The following TAFA1 variants were observed in gnomAD, a reference collection of about 807,000 sequenced individuals.
TAFA1 encodes chemokine-like protein TAFA-1.
Under a neutral mutation model 18.5 loss-of-function variants are expected in TAFA1, and 4 were observed. That is an observed-to-expected ratio of 0.22 (90% CI 0.11 to 0.49). The LOEUF (loss-of-function observed/expected upper bound fraction) is 0.49, where lower values mean the gene tolerates loss of function less well. Among genes scored for constraint, TAFA1 ranks in the 20% least tolerant of loss-of-function variants. TAFA1 has a pLI of 0.98. For missense variants in TAFA1, 147 were observed against 169.0 expected, an observed-to-expected ratio of 0.87 and a Z score of 0.72; for synonymous variants, 56 against 55.2, an observed-to-expected ratio of 1.01 and a Z score of -0.06.
chr3:68,100,585 C>G (rs958676586), intron 2 of TAFA1, among the ~76,000 whole-genome samples: 2 of 152,316 alleles, frequency 1.3e-5, no homozygotes, highest in Non-Finnish European at 2.9e-5. Flanking sequence ...AGACTCCACT[C>G]AGCTCAATTC....
intron 2 of TAFA1, among the ~76,000 whole-genome samples, chr3:68,231,453 C>A (rs1030176690): frequency 6.8e-6 from 1 of 147,714 alleles, no homozygotes; most frequent in Non-Finnish European, 1.5e-5. Flanking sequence ...CTCCGCTTCC[C>A]GGGTTCACGC....
chr3:68,193,301 A>C (rs555223583), intron 2 of TAFA1, among the ~76,000 whole-genome samples: 1 of 151,812 alleles, frequency 6.6e-6, no homozygotes, highest in Non-Finnish European at 1.5e-5. Context: ...ATTTTGTAAT[A>C]AAAAGGTATT....
At chr3:68,310,471 G>A (rs114183314) in intron 2 of TAFA1, among the ~76,000 whole-genome samples, 2,518 of 152,192 alleles carry the variant, frequency 0.017, 36 homozygotes, top group Middle Eastern at 0.044. Context: ...TCATGTTCCT[G>A]ATGTTCCCCC....
chr3:68,324,857 A>C (rs1348072726), intron 2 of TAFA1, among the ~76,000 whole-genome samples: 1 of 152,196 alleles, frequency 6.6e-6, no homozygotes, highest in Non-Finnish European at 1.5e-5. Context: ...CTTTTTAGGC[A>C]GGAAAGGGAT....
intron 2 of TAFA1, among the ~76,000 whole-genome samples, chr3:68,082,020 C>T (rs921544581): frequency 5.3e-5 from 8 of 152,206 alleles, no homozygotes; most frequent in Admixed American, 2.0e-4. Context: ...TCGTGGTGCG[C>T]TGTTTTTTAA....
intron 3 of TAFA1, among the ~76,000 whole-genome samples, chr3:68,461,850 C>T (rs554959695): frequency 1.1e-4 from 17 of 152,074 alleles, no homozygotes; most frequent in East Asian, 5.9e-4. Flanking sequence ...GTAGCACTTT[C>T]GGCTGTTAAT....
intron 2 of TAFA1, among the ~76,000 whole-genome samples, chr3:68,308,018 T>C (rs1429111860): frequency 1.3e-5 from 2 of 152,174 alleles, no homozygotes; most frequent in Non-Finnish European, 2.9e-5. Context: ...TGAATAAATA[T>C]GTGTAATCAC....
At chr3:68,383,802 T>C (rs866155789) in intron 2 of TAFA1, among the ~76,000 whole-genome samples, 2 of 152,138 alleles carry the variant, frequency 1.3e-5, no homozygotes, top group African/African-American at 2.4e-5. Flanking sequence ...TGAAACCTTC[T>C]GGTCCTGGGC....
intron 2 of TAFA1, among the ~76,000 whole-genome samples, chr3:68,412,953 C>G (rs1291601417): frequency 2.0e-5 from 3 of 151,692 alleles, no homozygotes; most frequent in Non-Finnish European, 2.9e-5. Context: ...AATTGCCACA[C>G]TGACTTCCAC....
At chr3:68,248,840 T>C (rs933482796) in intron 2 of TAFA1, among the ~76,000 whole-genome samples, 1 of 152,014 alleles carries the variant, frequency 6.6e-6, no homozygotes, top group African/African-American at 2.4e-5. Context: ...AACTGCATGA[T>C]GTTTGCAGGC....
chr3:68,234,507 A>C (rs962101624), intron 2 of TAFA1, among the ~76,000 whole-genome samples: 1 of 152,182 alleles, frequency 6.6e-6, no homozygotes, highest in African/African-American at 2.4e-5. Flanking sequence ...CTCTGAGTGC[A>C]ATGAAAGTAT....
At chr3:68,274,610 G>A (rs529776674) in intron 2 of TAFA1, among the ~76,000 whole-genome samples, 1 of 152,244 alleles carries the variant, frequency 6.6e-6, no homozygotes, top group African/African-American at 2.4e-5. Flanking sequence ...ATTTTCCACT[G>A]GGAGGACTTT....
intron 2 of TAFA1, among the ~76,000 whole-genome samples, chr3:68,366,371 C>G (rs931748543): frequency 6.6e-6 from 1 of 152,170 alleles, no homozygotes; most frequent in African/African-American, 2.4e-5. Context: ...GAAATCTTGA[C>G]TTTCAGAAAG....
intron 3 of TAFA1, among the ~76,000 whole-genome samples, chr3:68,456,867 A>G (rs188424504): frequency 1.2e-4 from 18 of 152,304 alleles, no homozygotes; most frequent in Admixed American, 1.1e-3. Flanking sequence ...ACCTCAATCA[A>G]GCAATTCAAC....
chr3:68,539,319 C>T (rs1422675382), intron 4 of TAFA1, among the ~76,000 whole-genome samples: 1 of 152,126 alleles, frequency 6.6e-6, no homozygotes, highest in Non-Finnish European at 1.5e-5. Flanking sequence ...CGTCAGAGAA[C>T]TGAAAAGGGT....
chr3:68,145,444 C>T, intron 2 of TAFA1: 1 of 864,612 alleles, frequency 1.2e-6, no homozygotes, highest in South Asian at 1.3e-5. Context: ...CTGTGAAAGG[C>T]TTATTAGAAC....
At position 68,327,315 on chromosome 3, in the gene TAFA1, A is replaced by G. The variant is rs549374407; in HGVS notation, c.119-89965A>G. On this transcript the variant is annotated intron_variant, in intron 2 of 4. Transcript: ENST00000478136. ...CTTTCTCAGATGTATTTGGATATTA[A>G]CCGGGAGACTATTTCAGAAATTTGA... Among the ~76,000 whole-genome samples, 3 of 152,306 alleles carry G rather than the reference A, an allele frequency of 2.0e-5. No individual in the cohort carries two copies. In the South Asian group the frequency reaches 6.2e-4, roughly 32 times the overall value.
Position 68,171,749 on chromosome 3 carries a change from A to T in TAFA1, c.118+165005A>T, listed in dbSNP as rs377022383. ...AAATACAAATTGTCAATAAAGAGACACTAAAAAGAGCCAAATACAGATTCT... is the reference window on the plus strand; with the variant it reads ...AAATACAAATTGTCAATAAAGAGACTCTAAAAAGAGCCAAATACAGATTCT... On this transcript the variant is annotated intron_variant, in intron 2 of 4. Transcript: ENST00000478136. Among the ~76,000 whole-genome samples the T allele has an allele frequency of 1.5e-4, 23 of 152,220 alleles. 1 individual carries two copies. The East Asian group carries it at 1.7e-3, about 11-fold the overall frequency.
At chr3:68,401,849 T>G (rs2106748895) in intron 2 of TAFA1, among the ~76,000 whole-genome samples, 1 of 152,240 alleles carries the variant, frequency 6.6e-6, no homozygotes, top group African/African-American at 2.4e-5. Context: ...GGCCACTGGC[T>G]TCCCTAGAAG....
Sources: gnomAD v4.1 joint callset for allele counts (sites outside exome capture counted in the v4.1 genomes callset) on GRCh38, gnomAD v4.1.1 for gene constraint, MANE v1.5 for transcripts, NCBI Gene and HGNC (gene_info 2026-07-23, HGNC 2026-07-21) for gene names.